CHSY3: variants seen among roughly 807,000 people sequenced by gnomAD.
CHSY3 encodes the protein N-acetylgalactosaminyl-proteoglycan 3-beta-glucuronosyltransferase 3.
In CHSY3, 35 loss-of-function variants were observed where a neutral mutation model predicts 67.2. The ratio of observed to expected loss-of-function variants is 0.52; its 90% CI spans 0.40 to 0.69. The LOEUF (loss-of-function observed/expected upper bound fraction) is 0.69. Among genes scored for constraint, CHSY3 ranks in the 30% least tolerant of loss-of-function variants. The pLI is 0.00. For missense variants in CHSY3, 1,069 were observed against 1,138.5 expected (o/e 0.94, Z 0.88); for synonymous variants, 474 against 434.7 (o/e 1.09, Z -1.12).
At chr5:130,177,034 A>C (rs970464486) in intron 2 of CHSY3, among the ~76,000 whole-genome samples, 1 of 151,730 alleles carries the variant, frequency 6.6e-6, no homozygotes, top group Admixed American at 6.6e-5. Flanking sequence ...ATCTCTAATA[A>C]CTTCCTTGTG....
chr5:130,047,364 C>G (rs965550527), intron 2 of CHSY3, among the ~76,000 whole-genome samples: 1 of 151,986 alleles, frequency 6.6e-6, no homozygotes, highest in Non-Finnish European at 1.5e-5. Flanking sequence ...TCCCACATGA[C>G]CTCTCAATAT....
rs768808242 is a variant in CHSY3 at position 129,904,981 on chromosome 5, C to G, written c.152C>G (p.Ser51Cys). Residue 51 changes from serine (S) to cysteine (C), a missense_variant, in exon 1 of 3, where the codon TCT becomes TGT. Physicochemically the swap from Ser to Cys is moderately radical, Grantham distance 112 (BLOSUM62 -1). Around this residue, in one of 5 missense-constraint regions of CHSY3, gnomAD observed 309 missense variants for 262.5 expected, o/e 1.18. Transcript: ENST00000305031. ...GSSLCSYYGRSAAGPRAGAQQ... is the reference protein window; with the variant it reads ...GSSLCSYYGRCAAGPRAGAQQ... ...AGCCTCTGCTCCTACTACGGTCGCT[C>G]TGCTGCTGGCCCCCGCGCCGGCGCT... The G allele has an allele frequency of 6.4e-7, 1 of 1,568,116 alleles. No homozygotes were observed. The highest frequency in any genetic ancestry group is 1.8e-5 in the Admixed American group (1 of 56,542).
intron 2 of CHSY3, among the ~76,000 whole-genome samples, chr5:129,959,604 T>C (rs1762274002): frequency 6.6e-6 from 1 of 152,092 alleles, no homozygotes; most frequent in Admixed American, 6.6e-5. Context: ...TCTGGAATAG[T>C]TGAGTTTATT....
chr5:129,994,857 T>G, intron 2 of CHSY3, among the ~76,000 whole-genome samples: 1 of 120,218 alleles, frequency 8.3e-6, no homozygotes, highest in African/African-American at 3.3e-5. Context: ...TGAGAACACT[T>G]GGACACAGGG....
At chr5:130,119,087 G>T (rs552498016) in intron 2 of CHSY3, among the ~76,000 whole-genome samples, 1 of 152,204 alleles carries the variant, frequency 6.6e-6, no homozygotes, top group South Asian at 2.1e-4. Context: ...GAGGAAATGT[G>T]GTCATTCTAC....
rs141777767 is a variant in CHSY3, at chr5:130,124,548, T to A, written c.1087-59681T>A. ...TCAGCTCACTGCAACCTCCACCTCC[T>A]CAGTTCAAGCAATTCTCCTGCTTCA... On this transcript the variant is annotated intron_variant, in intron 2 of 2. Transcript: ENST00000305031. 2.8e-3 allele frequency among the ~76,000 whole-genome samples: 418 copies of A among 151,272 alleles called. 3 individuals carry two copies. The highest frequency in any genetic ancestry group is 9.7e-3 in the African/African-American group (400 of 41,062).
At chr5:129,973,320 T>C (rs939606975) in intron 2 of CHSY3, among the ~76,000 whole-genome samples, 2 of 152,144 alleles carry the variant, frequency 1.3e-5, no homozygotes, top group African/African-American at 4.8e-5. Flanking sequence ...AATCTAGAAT[T>C]CTATCCATAG....
intron 2 of CHSY3, among the ~76,000 whole-genome samples, chr5:130,086,476 C>T (rs1327009927): frequency 6.6e-6 from 1 of 151,984 alleles, no homozygotes; most frequent in African/African-American, 2.4e-5. Context: ...GATCTTCCTC[C>T]ATCGTTTTAT....
At position 129,904,924 on chromosome 5, in the gene CHSY3, C is replaced by T; in HGVS notation, c.95C>T (p.Ala32Val). 2 of 1,541,324 alleles carry T rather than the reference C, an allele frequency of 1.3e-6. No individual in the cohort carries two copies. The highest frequency in any genetic ancestry group is 1.4e-5 in the African/African-American group (1 of 72,832). Reference protein sequence around the residue: ...AASWLIAPRVAELSERKRRGS... With the variant: ...AASWLIAPRVVELSERKRRGS... ...TCCTGGCTCATCGCCCCCAGGGTGG[C>T]GGAGCTGAGCGAGAGGAAGAGACGT... The change falls in exon 1 of 3, where the codon GCG becomes GTG. Residue 32 changes from alanine (A) to valine (V), a missense_variant. Transcript: ENST00000305031.
intron 2 of CHSY3, among the ~76,000 whole-genome samples, chr5:130,004,462 C>G (rs963969147): frequency 6.6e-6 from 1 of 152,076 alleles, no homozygotes; most frequent in African/African-American, 2.4e-5. Context: ...TTAATCATGA[C>G]TTAAAGTAAA....
At chr5:129,966,971 T>A (rs2149611276) in intron 2 of CHSY3, among the ~76,000 whole-genome samples, 1 of 151,928 alleles carries the variant, frequency 6.6e-6, no homozygotes, top group East Asian at 1.9e-4. Flanking sequence ...TAGTGTTACC[T>A]GTGTCTAAAG....
intron 2 of CHSY3, among the ~76,000 whole-genome samples, chr5:130,166,532 A>C (rs1769753522): frequency 6.6e-6 from 1 of 152,114 alleles, no homozygotes; most frequent in South Asian, 2.1e-4. Flanking sequence ...TTTCCGGAAA[A>C]CTTGACTTTA....
At chr5:129,923,027 G>A (rs1326233856) in intron 2 of CHSY3, among the ~76,000 whole-genome samples, 1 of 152,322 alleles carries the variant, frequency 6.6e-6, no homozygotes, top group African/African-American at 2.4e-5. Flanking sequence ...GAGCATAGAA[G>A]GATGTATTGG....
chr5:130,164,346 G>A (rs765624414), intron 2 of CHSY3, among the ~76,000 whole-genome samples: 12 of 152,110 alleles, frequency 7.9e-5, no homozygotes, highest in Admixed American at 2.0e-4. Flanking sequence ...TGACTAGGAC[G>A]CGGGAAGAGG....
In CHSY3 at chr5:130,008,834, G is replaced by A. The variant is rs115821060; in HGVS notation, c.1086+100474G>A. 4.7e-3 allele frequency among the ~76,000 whole-genome samples: 710 copies of A among 152,298 alleles called. 10 individuals carry two copies. The highest frequency in any genetic ancestry group is 0.016 in the African/African-American group (665 of 41,546). On this transcript the variant is annotated intron_variant, in intron 2 of 2. Transcript: ENST00000305031. Reference sequence around the variant, plus strand: ...TCATTCTATATTCGAAGTATTCACAGCAGAGCAGAGGTAAGGTGAGGTAAA... The same window carrying A: ...TCATTCTATATTCGAAGTATTCACAACAGAGCAGAGGTAAGGTGAGGTAAA...
intron 2 of CHSY3, among the ~76,000 whole-genome samples, chr5:129,934,501 T>C (rs1406637674): frequency 6.6e-6 from 1 of 152,168 alleles, no homozygotes; most frequent in African/African-American, 2.4e-5. Flanking sequence ...TTATCCTATG[T>C]TGTTCAGTAG....
chr5:130,057,895 G>GCA (rs1407321558), intron 2 of CHSY3, among the ~76,000 whole-genome samples: 1 of 149,804 alleles, frequency 6.7e-6, no homozygotes, highest in African/African-American at 2.5e-5. Flanking sequence ...ACACATACAT[G>GCA]CACACAGAGA....
At chr5:129,952,545 A>T (rs1231560710) in intron 2 of CHSY3, among the ~76,000 whole-genome samples, 1 of 152,186 alleles carries the variant, frequency 6.6e-6, no homozygotes, top group East Asian at 1.9e-4. Flanking sequence ...CTTTGAACAC[A>T]TTTGAGGAGT....
Position 130,185,557 on chromosome 5 carries a change from A to G in CHSY3, c.2415A>G (p.Leu805=). The G allele has an allele frequency of 6.2e-7, 1 of 1,614,174 alleles. No individual in the cohort carries two copies. Among genetic ancestry groups the G allele is most frequent in the Non-Finnish European group, 8.5e-7 (1 of 1,180,006 alleles). The change falls in exon 3 of 3, where the codon CTA becomes CTG. Residue 805 remains leucine, a synonymous_variant. Transcript: ENST00000305031. ...GFDTSIQGWG[L]EDVDLYNKVI... is the part of the protein sequence containing the mutation. ...ATACCTCAATACAAGGCTGGGGACT[A>G]GAAGATGTAGATCTCTACAATAAAG...
Sources: allele counts gnomAD v4.1 joint callset (sites outside exome capture counted in the v4.1 genomes callset), GRCh38; gene constraint gnomAD v4.1.1; regional missense constraint gnomAD v4.1.1; transcripts MANE v1.5; gene names NCBI Gene and HGNC (gene_info 2026-07-23, HGNC 2026-07-21).